The following GNG12 variants were observed in gnomAD, a reference collection of about 807,000 sequenced individuals.
The protein encoded by GNG12 is G protein subunit gamma 12, also known as guanine nucleotide-binding protein G(I)/G(S)/G(O) subunit gamma-12.
For synonymous variants in GNG12, 28 were observed against 29.7 expected, an observed-to-expected ratio of 0.94 and a Z score of 0.19; for missense variants, 69 against 83.8, an observed-to-expected ratio of 0.82 and a Z score of 0.69.
chr1:67,708,919 G>A (rs1439928091), intron 2 of GNG12, among the ~76,000 whole-genome samples: 14 of 152,200 alleles, frequency 9.2e-5, no homozygotes, highest in Admixed American at 8.5e-4. Flanking sequence ...CATAAAGGCC[G>A]AGACCAGACA....
rs186410873 is a variant in GNG12 at position 67,781,547 on chromosome 1, C to T, written c.-76-4040G>A. On this transcript the variant is annotated intron_variant, in intron 1 of 3. Coordinates refer to ENST00000370982, the MANE Select transcript of GNG12 (RefSeq NM_018841.6). ...AGATCATTTTAAACAATAAGTTCTA[C>T]AATTTTTTTCATACATGCAAGGAGT... 1.9e-3 allele frequency among the ~76,000 whole-genome samples: 290 copies of T among 152,204 alleles called. 2 individuals carry two copies. Among genetic ancestry groups the T allele is most frequent in the Middle Eastern group, 6.8e-3 (2 of 294 alleles).
chr1:67,810,226 A>G (rs1205483139), intron 1 of GNG12, among the ~76,000 whole-genome samples: 2 of 152,228 alleles, frequency 1.3e-5, no homozygotes, highest in Non-Finnish European at 2.9e-5. Flanking sequence ...GACAGTGAAA[A>G]TATCAGTGGT....
intron 1 of GNG12, among the ~76,000 whole-genome samples, chr1:67,778,910 G>A (rs1646721851): frequency 6.6e-6 from 1 of 152,208 alleles, no homozygotes; most frequent in Admixed American, 6.5e-5. Context: ...GTTATTGGAT[G>A]CACCAGCAAA....
At chr1:67,782,235 CA>C (rs1389975519) in intron 1 of GNG12, among the ~76,000 whole-genome samples, 1 of 152,190 alleles carries the variant, frequency 6.6e-6, no homozygotes. Context: ...GTCTATCCTA[CA>C]AATTTGTCTT....
intron 1 of GNG12, among the ~76,000 whole-genome samples, chr1:67,829,905 G>A (rs1009312101): frequency 4.6e-5 from 7 of 152,002 alleles, no homozygotes; most frequent in African/African-American, 1.4e-4. Flanking sequence ...ATCATCTGTG[G>A]CATGAGCTAA....
intron 1 of GNG12, among the ~76,000 whole-genome samples, chr1:67,830,462 G>C (rs776342227): frequency 6.6e-6 from 1 of 152,122 alleles, no homozygotes; most frequent in Non-Finnish European, 1.5e-5. Context: ...TTATCTGTTG[G>C]CCTTGGACAT....
chr1:67,788,828 TA>T (rs1237165693), intron 1 of GNG12, among the ~76,000 whole-genome samples: 1 of 152,220 alleles, frequency 6.6e-6, no homozygotes, highest in Admixed American at 6.5e-5. Context: ...GAATGCACTA[TA>T]GTTTCCAATA....
At chr1:67,788,410 T>C (rs557065306) in intron 1 of GNG12, among the ~76,000 whole-genome samples, 3 of 152,238 alleles carry the variant, frequency 2.0e-5, no homozygotes, top group Non-Finnish European at 2.9e-5. Context: ...AGGTCACAGT[T>C]CCCTGCAGCC....
intron 2 of GNG12, among the ~76,000 whole-genome samples, chr1:67,775,756 G>A (rs565287526): frequency 6.6e-6 from 1 of 152,322 alleles, no homozygotes; most frequent in Non-Finnish European, 1.5e-5. Context: ...GCACTGTTTG[G>A]CTTTGAAGGA....
chr1:67,726,886 G>A (rs960703172), intron 2 of GNG12, among the ~76,000 whole-genome samples: 6 of 152,092 alleles, frequency 3.9e-5, no homozygotes, highest in Non-Finnish European at 5.9e-5. Context: ...ACTACCTTTG[G>A]TTTCAGGCTA....
intron 1 of GNG12, among the ~76,000 whole-genome samples, chr1:67,827,500 A>T (rs1168534105): frequency 6.6e-6 from 1 of 151,612 alleles, no homozygotes; most frequent in Non-Finnish European, 1.5e-5. Context: ...ATCTCGGCTC[A>T]CTGCAAGCTC....
intron 2 of GNG12, among the ~76,000 whole-genome samples, chr1:67,725,293 C>G (rs776524462): frequency 6.6e-6 from 1 of 152,172 alleles, no homozygotes; most frequent in African/African-American, 2.4e-5. Flanking sequence ...ATTTTTCTTT[C>G]TTCCCTCATC....
chr1:67,738,792 T>C (rs913636885), intron 2 of GNG12, among the ~76,000 whole-genome samples: 4 of 152,144 alleles, frequency 2.6e-5, no homozygotes, highest in Admixed American at 1.3e-4. Flanking sequence ...GGCATGAGGA[T>C]TGCTTGAGCC....
intron 1 of GNG12, among the ~76,000 whole-genome samples, chr1:67,786,603 T>C (rs1256678962): frequency 1.3e-5 from 2 of 152,002 alleles, no homozygotes; most frequent in African/African-American, 4.8e-5. Context: ...TGGAAGGTGG[T>C]AGAGACAAAA....
intron 2 of GNG12, among the ~76,000 whole-genome samples, chr1:67,724,547 G>A (rs1006077094): frequency 2.0e-5 from 3 of 152,094 alleles, no homozygotes; most frequent in Non-Finnish European, 4.4e-5. Flanking sequence ...GTGCTTCCAA[G>A]CCCGGCTAAT....
intron 2 of GNG12, among the ~76,000 whole-genome samples, chr1:67,735,757 G>A (rs12408982): frequency 0.11 from 17,015 of 152,192 alleles, 1,286 homozygotes; most frequent in Non-Finnish European, 0.18. Context: ...TGAAGCTCCT[G>A]TGAGAAAAAC....
intron 1 of GNG12, among the ~76,000 whole-genome samples, chr1:67,825,763 G>T (rs1014814508): frequency 6.6e-6 from 1 of 152,110 alleles, no homozygotes; most frequent in African/African-American, 2.4e-5. Flanking sequence ...CCCTCTCCAC[G>T]TTCCCAGGAG....
Position 67,705,311 on chromosome 1 carries a change from A to G in GNG12, c.*140T>C. The G allele has an allele frequency of 1.3e-5, 17 of 1,291,108 alleles. No homozygotes were observed. Among genetic ancestry groups the G allele is most frequent in the Non-Finnish European group, 1.8e-5 (17 of 965,854 alleles). 80.0% of individuals were successfully genotyped at this position (1,291,108 alleles called of 1,614,324 possible). A position where few individuals can be genotyped will look rare whatever the true frequency, so the allele number is the denominator to read the frequency against. On this transcript the variant is annotated 3_prime_UTR_variant, in exon 4 of 4. Transcript: ENST00000370982. ...AGAAAGGACAACTTGGAAAATAGAG[A>G]CTTCAGAGTCCATTATTCCAAGCTG...
chr1:67,750,438 C>A (rs1646532063), intron 2 of GNG12, among the ~76,000 whole-genome samples: 1 of 152,234 alleles, frequency 6.6e-6, no homozygotes, highest in Admixed American at 6.5e-5. Context: ...TGCAGGTTTT[C>A]TCTCTCCAAC....
Sources: allele counts gnomAD v4.1 joint callset (sites outside exome capture counted in the v4.1 genomes callset), GRCh38; gene constraint gnomAD v4.1.1; transcripts MANE v1.5; gene names NCBI Gene and HGNC (gene_info 2026-07-23, HGNC 2026-07-21).